Variants in CEP72 observed in about 807,000 individuals in gnomAD.
The protein encoded by CEP72 is centrosomal protein of 72 kDa.
A neutral mutation model predicts 65.7 loss-of-function variants in CEP72; 78 were observed. The observed-to-expected ratio is 1.19, with a 90% CI of 0.99 to 1.43. The LOEUF is 1.43. Among genes scored for constraint, CEP72 ranks in the 40% most tolerant of loss-of-function variants. The pLI is 0.00. For synonymous variants in CEP72, 358 were observed against 351.7 expected (o/e 1.02, Z -0.20); for missense variants, 914 against 832.9 (o/e 1.10, Z -1.20).
chr5:649,651 ACTGTGAGGTGTGC>A (rs1738798462), intron 11 of CEP72, among the ~76,000 whole-genome samples: 7 of 57,168 alleles, frequency 1.2e-4, no homozygotes, highest in Admixed American at 2.2e-4. Flanking sequence ...GTGAGGTGTG[ACTGTGAGGTGTGC>A]CTGTGAGGCG....
intron 4 of CEP72, chr5:666,795 G>C (rs999506102): frequency 6.6e-6 from 1 of 152,250 alleles, no homozygotes; most frequent in Non-Finnish European, 1.5e-5. Flanking sequence ...CAATTTTAGA[G>C]GGTTCTAAAC....
intron 11 of CEP72, among the ~76,000 whole-genome samples, chr5:652,731 CTCAT>C (rs923978714): frequency 3.3e-5 from 5 of 152,234 alleles, no homozygotes; most frequent in African/African-American, 4.8e-5. Flanking sequence ...GCCTGTTCAG[CTCAT>C]TCATTCATTC....
the CEP72 span, among the ~76,000 whole-genome samples, chr5:674,983 C>A: frequency 7.3e-6 from 1 of 136,914 alleles, no homozygotes; most frequent in Non-Finnish European, 1.5e-5. Flanking sequence ...CACAAAGGAT[C>A]TGTGGCCGGG....
chr5:652,579 T>TA (rs1739179293), intron 11 of CEP72, among the ~76,000 whole-genome samples: 1 of 152,216 alleles, frequency 6.6e-6, no homozygotes, highest in Non-Finnish European at 1.5e-5. Flanking sequence ...AAAATTATTA[T>TA]ATTTGACTGG....
At chr5:633,681 C>T (rs1001443336) in intron 4 of CEP72, 88 bp from the exon 5 acceptor site, 137 of 1,276,660 alleles carry the variant, frequency 1.1e-4, no homozygotes, top group Non-Finnish European at 1.4e-4. Context: ...TCTCAGAGAC[C>T]GTGCAGGAAT....
chr5:665,092 G>A, intron 2 of CEP72: 2 of 1,606,336 alleles, frequency 1.2e-6, no homozygotes, highest in East Asian at 2.2e-5. Flanking sequence ...CGCGAGGCAT[G>A]GAGCGGGGGC....
At chr5:642,800 T>C in intron 9 of CEP72, 1 of 985,406 alleles carries the variant, frequency 1.0e-6, no homozygotes, top group Non-Finnish European at 1.2e-6. Context: ...TGCAGGCTGG[T>C]GGGCACTGCT....
intron 1 of CEP72, among the ~76,000 whole-genome samples, chr5:615,696 G>A (rs1012987565): frequency 2.0e-5 from 3 of 152,146 alleles, no homozygotes; most frequent in Admixed American, 6.5e-5. Flanking sequence ...TAGAACTTAA[G>A]TGTGCCATTT....
rs1281174107 is a variant in CEP72, at chr5:640,565, C to T, written c.1500C>T (p.Ser500=). The change falls in exon 9 of 12, where the codon AGC becomes AGT. Residue 500 remains serine, a synonymous_variant. Transcript: ENST00000264935. ...EQQQQHAREM[S]EVTAELHHTH... The stretch of plus-strand genomic sequence containing the variant: ...AGCAGCAGCACGCCCGGGAGATGAG[C>T]GAGGTGACGGCGGAGCTGCACCACA... 18 of 1,613,680 alleles carry T rather than the reference C, an allele frequency of 1.1e-5. No individual in the cohort carries two copies. The highest frequency in any genetic ancestry group is 1.7e-5 in the Admixed American group (1 of 60,008).
chr5:615,152 T>TTTTGG, intron 1 of CEP72, among the ~76,000 whole-genome samples: 1 of 149,676 alleles, frequency 6.7e-6, no homozygotes, highest in Non-Finnish European at 1.5e-5. Flanking sequence ...TTTTTTTTTT[T>TTTTGG]GAGACAGAGT....
Position 644,326 on chromosome 5 carries a change from T to A in CEP72, c.1567T>A (p.Ser523Thr). ...LDDLRQHLDK[S>T]LEENSRLKSL... ...TGATTTGAGACAACATTTAGATAAA[T>A]CTTTGGAAGAGAACAGTAGGTTAAA... is the stretch of plus-strand genomic sequence containing the variant. Residue 523 changes from serine (S) to threonine (T), a missense_variant, in exon 10 of 12, where the codon TCT becomes ACT. Ser to Thr is a moderately conservative substitution (Grantham distance 58, BLOSUM62 1). Coordinates refer to ENST00000264935, the MANE Select transcript of CEP72 (RefSeq NM_018140.4). 2 of 1,613,884 alleles carry A rather than the reference T, an allele frequency of 1.2e-6. No homozygotes were observed. Among genetic ancestry groups the A allele is most frequent in the East Asian group, 2.2e-5 (1 of 44,882 alleles).
Position 623,653 on chromosome 5 carries a change from G to A in CEP72, c.404-818G>A, listed in dbSNP as rs924482772. Among the ~76,000 whole-genome samples, 1 of 151,862 alleles carries A rather than the reference G, an allele frequency of 6.6e-6. No homozygotes were observed. Among genetic ancestry groups the A allele is most frequent in the African/African-American group, 2.4e-5 (1 of 41,306 alleles). The stretch of plus-strand genomic sequence containing the variant: ...GGCTGGTGAAGGCCGGGGTGGAAAG[G>A]TTGCGGGAGGGTGGGATTGGGTGCA... On this transcript the variant is annotated intron_variant, in intron 3 of 11. Coordinates refer to ENST00000264935, the MANE Select transcript of CEP72 (RefSeq NM_018140.4). This position sits in a 1 kb window ranked among gnomAD's most constrained non-coding sequence, Gnocchi z 5.3.
chr5:626,786 A>G (rs1391472656), intron 4 of CEP72, among the ~76,000 whole-genome samples: 1 of 152,118 alleles, frequency 6.6e-6, no homozygotes, highest in Non-Finnish European at 1.5e-5. Context: ...GCACCACTGC[A>G]CTCTAACCTG....
At chr5:616,248 T>A (rs760406725) in intron 1 of CEP72, among the ~76,000 whole-genome samples, 1 of 152,232 alleles carries the variant, frequency 6.6e-6, no homozygotes, top group Non-Finnish European at 1.5e-5. Context: ...TTTTCATCTG[T>A]CATCTCCATT....
chr5:637,489 C>T (rs762657105), intron 6 of CEP72, 28 bp from the exon 7 acceptor site: 45 of 1,589,734 alleles, frequency 2.8e-5, no homozygotes, highest in South Asian at 1.7e-4. Flanking sequence ...TTTGGCCTGA[C>T]GTGCGCCCCA....
downstream of CEP72, among the ~76,000 whole-genome samples, chr5:654,332 GCTGTGTGTGCGCGCACGCACC>G (rs1370648820): frequency 5.8e-5 from 8 of 137,618 alleles, no homozygotes; most frequent in Admixed American, 4.5e-4. Flanking sequence ...TTGTGTGTGC[GCTGTGTGTGCGCGCACGCACC>G]CTGTGTGTGT....
At chr5:614,400 C>T (rs534068568) in intron 1 of CEP72, among the ~76,000 whole-genome samples, 51 of 150,168 alleles carry the variant, frequency 3.4e-4, no homozygotes, top group Non-Finnish European at 5.8e-4. Flanking sequence ...TCCAGTTCAG[C>T]GTATTTTAAG....
At position 649,958 on chromosome 5, in the gene CEP72, G is replaced by A. The variant is rs866746665; in HGVS notation, c.1778+2042G>A. Among the ~76,000 whole-genome samples, 217 of 70,876 alleles carry A rather than the reference G, an allele frequency of 3.1e-3. 19 individuals are homozygous for A. The highest frequency in any genetic ancestry group is 0.016 in the African/African-American group (136 of 8,416). 46.5% of individuals were successfully genotyped at this position (70,876 alleles called of 152,430 possible). A position where few individuals can be genotyped will look rare whatever the true frequency, so the allele number is the denominator to read the frequency against. On this transcript the variant is annotated intron_variant, in intron 11 of 11. Coordinates refer to ENST00000264935, the MANE Select transcript of CEP72 (RefSeq NM_018140.4). ...AGGCGTGACTGTGAGGCGTGACTGT[G>A]AGGCGTGGACTGTGAGGTGTGACTG...
intron 11 of CEP72, among the ~76,000 whole-genome samples, chr5:652,071 G>A (rs940756508): frequency 6.6e-6 from 1 of 152,312 alleles, no homozygotes; most frequent in South Asian, 2.1e-4. Context: ...CAGAAGGAAG[G>A]GGACTGTGGC....
Sources: allele counts gnomAD v4.1 joint callset (sites outside exome capture counted in the v4.1 genomes callset), GRCh38; gene constraint gnomAD v4.1.1; non-coding constraint Gnocchi (gnomAD v3.1); transcripts MANE v1.5; gene names NCBI Gene and HGNC (gene_info 2026-07-23, HGNC 2026-07-21).